Variants in SPAG9 observed in about 807,000 individuals in gnomAD.
SPAG9 encodes the protein C-Jun-amino-terminal kinase-interacting protein 4.
Under a neutral mutation model 166.5 loss-of-function variants are expected in SPAG9, and 35 were observed. The observed-to-expected ratio is 0.21, with a 90% CI of 0.16 to 0.28. The LOEUF is 0.28. SPAG9 is among the 10% of genes least tolerant of loss of function. SPAG9 has a pLI of 1.00. For synonymous variants in SPAG9, 534 were observed against 565.5 expected, an observed-to-expected ratio of 0.94 and a Z score of 0.79; for missense variants, 1,235 against 1,603.3, an observed-to-expected ratio of 0.77 and a Z score of 3.92.
chr17:51,095,811 G>T (rs969781409), intron 1 of SPAG9, among the ~76,000 whole-genome samples: 1 of 135,524 alleles, frequency 7.4e-6, no homozygotes, highest in Non-Finnish European at 1.6e-5. Context: ...TATATAGTGA[G>T]ATATATATAG....
Position 51,006,199 on chromosome 17 carries a change from T to G in SPAG9, c.1310A>C (p.Lys437Thr), listed in dbSNP as rs772010175. 2.8e-5 allele frequency: 45 copies of G among 1,614,214 alleles called. No homozygotes were observed. The highest frequency in any genetic ancestry group is 3.8e-5 in the Non-Finnish European group (45 of 1,180,012). Residue 437 changes from lysine (K) to threonine (T), a missense_variant, in exon 11 of 30, where the codon AAA becomes ACA. Physicochemically the swap from Lys to Thr is moderately conservative, Grantham distance 78 (BLOSUM62 -1). Coordinates refer to ENST00000262013, the MANE Select transcript of SPAG9 (RefSeq NM_001130528.3). ...LNIVKNDLIA[K>T]VDELTCEKDV... ...TTTCTCACAGGTCAGTTCATCCACT[T>G]TTGCTATCAAATCATTCTTCACTAT...
chr17:51,047,574 C>A, intron 3 of SPAG9, 105 bp from the exon 4 acceptor site: 1 of 516,912 alleles, frequency 1.9e-6, no homozygotes, highest in Non-Finnish European at 3.3e-6. Context: ...TCTTATCTAT[C>A]AGACTACTCG....
chr17:50,966,644 A>C (rs1973384693), intron 29 of SPAG9, among the ~76,000 whole-genome samples: 1 of 152,220 alleles, frequency 6.6e-6, no homozygotes, highest in South Asian at 2.1e-4. Context: ...ATACTACGTT[A>C]AAAAGCCACC....
chr17:51,105,284 A>T (rs2048917062), intron 1 of SPAG9, among the ~76,000 whole-genome samples: 1 of 152,148 alleles, frequency 6.6e-6, no homozygotes, highest in African/African-American at 2.4e-5. Flanking sequence ...GTAAGAGGAA[A>T]GCCAAGGAAT....
chr17:50,966,744 T>C (rs1222367953), intron 29 of SPAG9, among the ~76,000 whole-genome samples: 3 of 152,232 alleles, frequency 2.0e-5, no homozygotes, highest in African/African-American at 7.2e-5. Flanking sequence ...CTGTCACTTA[T>C]TTTAAACTAA....
intron 1 of SPAG9, among the ~76,000 whole-genome samples, chr17:51,113,751 C>T (rs1328863621): frequency 6.6e-6 from 1 of 151,782 alleles, no homozygotes; most frequent in African/African-American, 2.4e-5. Context: ...AATCACAGCA[C>T]TTTGGGAGGC....
chr17:50,999,102 C>T (rs191329117), intron 14 of SPAG9, among the ~76,000 whole-genome samples: 3 of 152,264 alleles, frequency 2.0e-5, no homozygotes, highest in African/African-American at 7.2e-5. Context: ...TCTGATTAAG[C>T]TCAATTTAAA....
In SPAG9 at chr17:51,045,345, A is replaced by T. The variant is rs184378310; in HGVS notation, c.590+2030T>A. 1.0e-3 allele frequency among the ~76,000 whole-genome samples: 154 copies of T among 152,336 alleles called. No individual in the cohort carries two copies. The South Asian group carries it at 0.013, about 13-fold the overall frequency. On this transcript the variant is annotated intron_variant, in intron 4 of 29. Transcript: ENST00000262013. ...TAATTTCTTCAAAGCCTAAATATACAGATACACGTACACAAATATTTTATG... is the reference window on the plus strand; with the variant it reads ...TAATTTCTTCAAAGCCTAAATATACTGATACACGTACACAAATATTTTATG...
At chr17:51,036,933 T>C (rs2046610524) in intron 5 of SPAG9, among the ~76,000 whole-genome samples, 1 of 152,222 alleles carries the variant, frequency 6.6e-6, no homozygotes, top group Non-Finnish European at 1.5e-5. Flanking sequence ...TCTTAATACC[T>C]GGTAGAGCAA....
chr17:51,084,656 G>A (rs1451935199), intron 1 of SPAG9, among the ~76,000 whole-genome samples: 1 of 152,020 alleles, frequency 6.6e-6, no homozygotes, highest in African/African-American at 2.4e-5. Context: ...CGATCTGCCT[G>A]TCTTGGCCTC....
chr17:51,115,558 C>T (rs1039064722), intron 1 of SPAG9, among the ~76,000 whole-genome samples: 6 of 151,922 alleles, frequency 3.9e-5, no homozygotes, highest in African/African-American at 1.5e-4. Flanking sequence ...GAGCCAGGCG[C>T]GGTGGTTCAC....
chr17:51,042,270 G>A (rs960093927), intron 4 of SPAG9, among the ~76,000 whole-genome samples: 2 of 152,066 alleles, frequency 1.3e-5, no homozygotes, highest in African/African-American at 2.4e-5. Context: ...AACCATTGTC[G>A]GTTTTTTCCA....
At chr17:51,099,814 A>G (rs1330018425) in intron 1 of SPAG9, among the ~76,000 whole-genome samples, 1 of 150,946 alleles carries the variant, frequency 6.6e-6, no homozygotes, top group Non-Finnish European at 1.5e-5. Context: ...CTTAAAAAAG[A>G]CCCAGCCAGG....
chr17:50,965,427 G>A lies in SPAG9; in HGVS notation c.*845C>T, dbSNP rs1445128888. On this transcript the variant is annotated 3_prime_UTR_variant, in exon 30 of 30. Transcript: ENST00000262013. Reference sequence around the variant, plus strand: ...AACTCAATCAACATCACCATTCTCTGGTACAAGAAATACAAAACACATTTC... The same window carrying A: ...AACTCAATCAACATCACCATTCTCTAGTACAAGAAATACAAAACACATTTC... 6.6e-6 allele frequency: 1 copy of A among 152,010 alleles called. No homozygotes were observed. The highest frequency in any genetic ancestry group is 2.4e-5 in the African/African-American group (1 of 41,368). 9.4% of individuals were successfully genotyped at this position (152,010 alleles called of 1,614,324 possible). A position where few individuals can be genotyped will look rare whatever the true frequency, so the allele number is the denominator to read the frequency against.
intron 1 of SPAG9, among the ~76,000 whole-genome samples, chr17:51,085,890 A>AT (rs2048291270): frequency 6.7e-6 from 1 of 149,132 alleles, no homozygotes. Context: ...ATCAAGGAGG[A>AT]TTTTTCCCCA....
At chr17:50,979,959 A>G (rs1460074921) in intron 25 of SPAG9, 42 bp from the exon 26 acceptor site, 1 of 1,584,178 alleles carries the variant, frequency 6.3e-7, no homozygotes, top group Non-Finnish European at 8.7e-7. Context: ...TTTGCTACAT[A>G]GAATTTCATA....
At position 50,993,758 on chromosome 17, in the gene SPAG9, T is replaced by C. The variant is rs753639071; in HGVS notation, c.2398+6A>G. 1.9e-6 allele frequency: 3 copies of C among 1,613,616 alleles called. No individual in the cohort carries two copies. The East Asian group carries it at 6.7e-5, about 36-fold the overall frequency. ...GAGGGCAGAGAAACGCATGACTCAC[T>C]CTTACCTGGCACACTTGCAATGCAC... On this transcript the variant is annotated splice_donor_region_variant and intron_variant, in intron 19 of 29. Transcript: ENST00000262013.
At chr17:51,049,314 CTATGAT>C (rs1432817064) in intron 3 of SPAG9, among the ~76,000 whole-genome samples, 2 of 151,280 alleles carry the variant, frequency 1.3e-5, no homozygotes, top group Non-Finnish European at 2.9e-5. Flanking sequence ...CTGCTGTGAG[CTATGAT>C]CATGCCACTG....
At chr17:51,088,820 C>A (rs2144676659) in intron 1 of SPAG9, among the ~76,000 whole-genome samples, 1 of 151,590 alleles carries the variant, frequency 6.6e-6, no homozygotes, top group Non-Finnish European at 1.5e-5. Context: ...GGGAGGTGGG[C>A]ACAGTTGCTC....
Sources: gnomAD v4.1 joint callset for allele counts (sites outside exome capture counted in the v4.1 genomes callset) on GRCh38, gnomAD v4.1.1 for gene constraint, MANE v1.5 for transcripts, NCBI Gene and HGNC (gene_info 2026-07-23, HGNC 2026-07-21) for gene names.